Variants in PRKG1 observed in about 807,000 individuals in gnomAD.
The protein encoded by PRKG1 is cGMP-dependent protein kinase 1.
PRKG1 carries 35 observed loss-of-function variants against 88.1 expected under a neutral mutation model. The ratio of observed to expected loss-of-function variants is 0.40; its 90% CI spans 0.30 to 0.53. The LOEUF (loss-of-function observed/expected upper bound fraction) is 0.53, where lower values mean the gene tolerates loss of function less well. PRKG1 is among the 20% of genes least tolerant of loss of function. PRKG1 has a pLI of 0.59. For synonymous variants in PRKG1, 303 were observed against 292.5 expected, an observed-to-expected ratio of 1.04 and a Z score of -0.37; for missense variants, 540 against 839.8, an observed-to-expected ratio of 0.64 and a Z score of 4.41.
chr10:51,765,955 C>A (rs1838149948), intron 3 of PRKG1, among the ~76,000 whole-genome samples: 1 of 151,978 alleles, frequency 6.6e-6, no homozygotes, highest in Non-Finnish European at 1.5e-5. Context: ...AAGGTGCCAC[C>A]CAGTTTGGCT....
chr10:52,205,837 T>C (rs144016115), intron 9 of PRKG1, among the ~76,000 whole-genome samples: 66 of 152,282 alleles, frequency 4.3e-4, no homozygotes, highest in South Asian at 6.2e-4. Flanking sequence ...CTCTAGCTGC[T>C]TAAAATTTTT....
intron 2 of PRKG1, among the ~76,000 whole-genome samples, chr10:51,280,208 A>T (rs950766169): frequency 4.6e-5 from 7 of 152,100 alleles, no homozygotes; most frequent in African/African-American, 1.2e-4. Context: ...CCCACTCTCT[A>T]CTGGCTTGTA....
At chr10:51,112,676 A>T (rs147005820) in intron 1 of PRKG1, among the ~76,000 whole-genome samples, 1 of 152,164 alleles carries the variant, frequency 6.6e-6, no homozygotes, top group East Asian at 1.9e-4. Context: ...TTGTTCGGAT[A>T]TTTAATTTTT....
intron 3 of PRKG1, among the ~76,000 whole-genome samples, chr10:51,572,871 G>T (rs1233742027): frequency 6.6e-6 from 1 of 151,830 alleles, no homozygotes; most frequent in Non-Finnish European, 1.5e-5. Context: ...CTTTAGAATT[G>T]AGGGGAGTAA....
At chr10:51,190,101 C>T (rs540849372) in intron 2 of PRKG1, among the ~76,000 whole-genome samples, 5 of 152,006 alleles carry the variant, frequency 3.3e-5, no homozygotes, top group South Asian at 2.1e-4. Flanking sequence ...TGAGTTCATA[C>T]GTAACAACAT....
intron 2 of PRKG1, among the ~76,000 whole-genome samples, chr10:51,229,709 G>T (rs896993742): frequency 6.6e-6 from 1 of 152,002 alleles, no homozygotes; most frequent in East Asian, 1.9e-4. Flanking sequence ...CAGGTGGATG[G>T]TTTGAGCCCA....
intron 3 of PRKG1, among the ~76,000 whole-genome samples, chr10:51,581,152 G>C (rs7895758): frequency 0.069 from 10,521 of 152,118 alleles, 1,200 homozygotes; most frequent in African/African-American, 0.24. Context: ...TGGGGATGAA[G>C]TAATTCTTTA....
chr10:51,451,099 T>C (rs1839424932), intron 2 of PRKG1, among the ~76,000 whole-genome samples: 1 of 151,872 alleles, frequency 6.6e-6, no homozygotes, highest in Non-Finnish European at 1.5e-5. Flanking sequence ...ACTATTTATA[T>C]TGAGAATCAA....
rs1838176278 is a variant in PRKG1 at position 52,158,131 on chromosome 10, T to C, written c.1002-3758T>C. Among the ~76,000 whole-genome samples, 2 of 151,746 alleles carry C rather than the reference T, an allele frequency of 1.3e-5. 1 individual carries two copies. Among genetic ancestry groups the C allele is most frequent in the South Asian group, 4.1e-4 (2 of 4,830 alleles). Reference sequence around the variant, plus strand: ...GCATGTAGAAATTTGGTATTTTATTTTACAATGTTAAAATGTAACGTGTGT... The same window carrying C: ...GCATGTAGAAATTTGGTATTTTATTCTACAATGTTAAAATGTAACGTGTGT... On this transcript the variant is annotated intron_variant, in intron 8 of 17. Transcript: ENST00000373980.
intron 2 of PRKG1, among the ~76,000 whole-genome samples, chr10:51,282,851 A>G (rs984552208): frequency 2.0e-5 from 3 of 151,872 alleles, no homozygotes; most frequent in Admixed American, 1.3e-4. Flanking sequence ...ATTTATGTTT[A>G]TAATATCAAC....
At chr10:51,103,705 T>A (rs1234774291) in intron 1 of PRKG1, among the ~76,000 whole-genome samples, 1 of 152,076 alleles carries the variant, frequency 6.6e-6, no homozygotes, top group Non-Finnish European at 1.5e-5. Flanking sequence ...GCAGGAAGTG[T>A]CAAGCTTCAG....
chr10:51,482,762 A>G (rs941178408), intron 3 of PRKG1, among the ~76,000 whole-genome samples: 18 of 152,172 alleles, frequency 1.2e-4, no homozygotes, highest in African/African-American at 4.1e-4. Flanking sequence ...GGGCCTTAAC[A>G]AGCAGCTTAA....
chr10:51,099,351 T>G (rs1564599607), intron 1 of PRKG1, among the ~76,000 whole-genome samples: 1 of 151,224 alleles, frequency 6.6e-6, no homozygotes, highest in Non-Finnish European at 1.5e-5. Flanking sequence ...GTGGTTGTAT[T>G]AAATTGTTTT....
At chr10:51,858,675 G>A (rs1840783909) in intron 4 of PRKG1, among the ~76,000 whole-genome samples, 1 of 151,172 alleles carries the variant, frequency 6.6e-6, no homozygotes, top group East Asian at 2.0e-4. Flanking sequence ...TAGCAAACAA[G>A]CATTTACTGG....
At chr10:51,699,176 G>C in intron 3 of PRKG1, 1 of 1,614,162 alleles carries the variant, frequency 6.2e-7, no homozygotes, top group South Asian at 1.1e-5. Flanking sequence ...AATCGATTCA[G>C]GGGCATCTTC....
At chr10:51,230,542 C>A (rs1415880036) in intron 2 of PRKG1, among the ~76,000 whole-genome samples, 3 of 152,142 alleles carry the variant, frequency 2.0e-5, no homozygotes, top group Non-Finnish European at 2.9e-5. Flanking sequence ...CTGGTCCATA[C>A]TAAAGAGTTA....
At chr10:51,202,688 T>C (rs1837944237) in intron 2 of PRKG1, among the ~76,000 whole-genome samples, 1 of 152,208 alleles carries the variant, frequency 6.6e-6, no homozygotes. Context: ...ATTCTTCACA[T>C]AGATTATGGA....
chr10:51,442,050 A>G (rs1839126410), intron 2 of PRKG1, among the ~76,000 whole-genome samples: 1 of 151,546 alleles, frequency 6.6e-6, no homozygotes, highest in Non-Finnish European at 1.5e-5. Context: ...GGGAAGTTTT[A>G]CTTTTTTGTC....
chr10:51,811,612 C>A (rs1317265264), intron 4 of PRKG1, among the ~76,000 whole-genome samples: 1 of 152,060 alleles, frequency 6.6e-6, no homozygotes. Flanking sequence ...TAAAATGATC[C>A]CTGTGCCTGG....
Sources: gnomAD v4.1 joint callset for allele counts (sites outside exome capture counted in the v4.1 genomes callset) on GRCh38, gnomAD v4.1.1 for gene constraint, MANE v1.5 for transcripts, NCBI Gene and HGNC (gene_info 2026-07-23, HGNC 2026-07-21) for gene names.